ZSWIM5: variants seen among roughly 807,000 people sequenced by gnomAD.
ZSWIM5 encodes the protein zinc finger SWIM domain-containing protein 5.
In ZSWIM5, 55 loss-of-function variants were observed where a neutral mutation model predicts 119.6. The observed-to-expected ratio is 0.46, with a 90% CI of 0.37 to 0.58. The LOEUF is 0.58. Ranked by LOEUF, ZSWIM5 falls within the 20% of genes least tolerant of loss-of-function variation. The pLI, the probability that ZSWIM5 is intolerant of heterozygous loss-of-function variation, is 0.00. For synonymous variants in ZSWIM5, 537 were observed against 606.9 expected (o/e 0.88, Z 1.69); for missense variants, 1,193 against 1,512.8 (o/e 0.79, Z 3.51).
chr1:45,133,407 G>A (rs1157453359), intron 1 of ZSWIM5, among the ~76,000 whole-genome samples: 1 of 152,158 alleles, frequency 6.6e-6, no homozygotes, highest in African/African-American at 2.4e-5. Context: ...CTGCATAAAT[G>A]TCTTCTTTTG....
chr1:45,146,464 CAG>C (rs1257975580), intron 1 of ZSWIM5, among the ~76,000 whole-genome samples: 8 of 89,198 alleles, frequency 9.0e-5, no homozygotes, highest in Non-Finnish European at 1.2e-4. Context: ...TTTTTTGAGA[CAG>C]AGTCTTGCTC....
intron 1 of ZSWIM5, among the ~76,000 whole-genome samples, chr1:45,104,065 G>T (rs1191851729): frequency 6.6e-6 from 1 of 152,188 alleles, no homozygotes; most frequent in Non-Finnish European, 1.5e-5. Flanking sequence ...GACTGAGAAA[G>T]CTTCCTCTTG....
chr1:45,073,904 T>C (rs529762145), intron 2 of ZSWIM5, among the ~76,000 whole-genome samples: 21 of 152,106 alleles, frequency 1.4e-4, no homozygotes, highest in African/African-American at 4.8e-4. Flanking sequence ...TGAGGTATGT[T>C]CCTTCTGTAC....
intron 2 of ZSWIM5, among the ~76,000 whole-genome samples, chr1:45,066,083 A>G: frequency 7.4e-6 from 1 of 135,660 alleles, no homozygotes; most frequent in Non-Finnish European, 1.5e-5. Flanking sequence ...TCATTGTTCA[A>G]TACCCACCTA....
chr1:45,028,308 T>G (rs1218729260), intron 11 of ZSWIM5, among the ~76,000 whole-genome samples: 27 of 152,242 alleles, frequency 1.8e-4, no homozygotes, highest in Admixed American at 1.8e-3. Context: ...CTTATTCCTA[T>G]GTTTTCATGT....
chr1:45,077,897 G>A (rs1241298926), intron 2 of ZSWIM5, among the ~76,000 whole-genome samples: 4 of 152,198 alleles, frequency 2.6e-5, no homozygotes, highest in Non-Finnish European at 5.9e-5. Context: ...CTCACTGGCG[G>A]TCAGAGTTTA....
chr1:45,020,835 A>C, intron 11 of ZSWIM5, 47 bp from the exon 12 acceptor site: 1 of 1,590,366 alleles, frequency 6.3e-7, no homozygotes, highest in Non-Finnish European at 8.6e-7. Flanking sequence ...AAGTTTTACT[A>C]AACAGTCAGC....
At chr1:45,134,406 A>G (rs1386918467) in intron 1 of ZSWIM5, among the ~76,000 whole-genome samples, 1 of 152,248 alleles carries the variant, frequency 6.6e-6, no homozygotes, top group Non-Finnish European at 1.5e-5. Context: ...TGTTTGCTAA[A>G]GAGAAAGGAA....
At chr1:45,161,874 A>G (rs924630237) in intron 1 of ZSWIM5, among the ~76,000 whole-genome samples, 21 of 152,206 alleles carry the variant, frequency 1.4e-4, no homozygotes, top group African/African-American at 5.1e-4. Flanking sequence ...ATATTTCCAA[A>G]CAGTAAATCC....
intron 11 of ZSWIM5, among the ~76,000 whole-genome samples, chr1:45,032,458 T>C (rs993703323): frequency 6.7e-6 from 1 of 149,444 alleles, no homozygotes; most frequent in Non-Finnish European, 1.5e-5. Context: ...TATATTTTCA[T>C]TGGTATAAAA....
chr1:45,112,907 A>G (rs2149024126), intron 1 of ZSWIM5, among the ~76,000 whole-genome samples: 2 of 152,332 alleles, frequency 1.3e-5, no homozygotes, highest in East Asian at 3.9e-4. Context: ...CTGAAAATGA[A>G]TGTCTTGCTA....
Position 45,018,095 on chromosome 1 carries a change from G to A in ZSWIM5, c.*359C>T. The A allele has an allele frequency of 3.5e-6, 1 of 283,360 alleles. No individual in the cohort carries two copies. The allele number at this position is 283,360 out of a possible 1,614,324, so 17.6% of individuals were successfully genotyped here. A position where few individuals can be genotyped will look rare whatever the true frequency, so the allele number is the denominator to read the frequency against. Reference sequence around the variant, plus strand: ...ATATAGTATTTACAGTCCCACAAATGTGTCTGTTTCTCTGGTTAAGCAATC... The same window carrying A: ...ATATAGTATTTACAGTCCCACAAATATGTCTGTTTCTCTGGTTAAGCAATC... On this transcript the variant is annotated 3_prime_UTR_variant, in exon 14 of 14. Transcript: ENST00000359600. The surrounding 1 kb of genome is among the most constrained non-coding windows in gnomAD (Gnocchi z 6.7).
chr1:45,101,728 A>C (rs552790208), intron 1 of ZSWIM5, among the ~76,000 whole-genome samples: 1 of 152,344 alleles, frequency 6.6e-6, no homozygotes, highest in African/African-American at 2.4e-5. Flanking sequence ...GGACGAGTTC[A>C]TGTCCTTTGC....
chr1:45,115,187 G>GC (rs1428804427), intron 1 of ZSWIM5, among the ~76,000 whole-genome samples: 1 of 152,236 alleles, frequency 6.6e-6, no homozygotes, highest in African/African-American at 2.4e-5. Flanking sequence ...TGGCCGCCGG[G>GC]CAGAGGGGCT....
At chr1:45,169,941 T>A (rs1229975716) in intron 1 of ZSWIM5, among the ~76,000 whole-genome samples, 2 of 152,108 alleles carry the variant, frequency 1.3e-5, no homozygotes, top group African/African-American at 4.8e-5. Flanking sequence ...TCCACACGGT[T>A]AACATTTTAC....
At chr1:45,178,030 C>T (rs956231373) in intron 1 of ZSWIM5, among the ~76,000 whole-genome samples, 2 of 151,820 alleles carry the variant, frequency 1.3e-5, no homozygotes, top group Admixed American at 6.6e-5. Context: ...CCACTACACC[C>T]GGCCTTATGT....
At chr1:45,027,591 T>C (rs1007152504) in intron 11 of ZSWIM5, among the ~76,000 whole-genome samples, 1 of 152,072 alleles carries the variant, frequency 6.6e-6, no homozygotes, top group African/African-American at 2.4e-5. Flanking sequence ...AGACAGGGTT[T>C]CTCCATGTTG....
At chr1:45,020,207 C>T (rs1222132206) in intron 12 of ZSWIM5, 60 bp from the exon 13 acceptor site, 57 of 1,374,812 alleles carry the variant, frequency 4.1e-5, no homozygotes, top group Non-Finnish European at 5.2e-5. Context: ...CTCTCCCTCC[C>T]CTTGCATTCA....
At chr1:45,196,615 C>T (rs1203195096) in intron 1 of ZSWIM5, among the ~76,000 whole-genome samples, 1 of 151,514 alleles carries the variant, frequency 6.6e-6, no homozygotes, top group Admixed American at 6.6e-5. Flanking sequence ...TGGTCTCGAG[C>T]TCCTGACCTC....
Sources: gnomAD v4.1 joint callset for allele counts (sites outside exome capture counted in the v4.1 genomes callset) on GRCh38, gnomAD v4.1.1 for gene constraint, Gnocchi (gnomAD v3.1) non-coding constraint, MANE v1.5 for transcripts, NCBI Gene and HGNC (gene_info 2026-07-23, HGNC 2026-07-21) for gene names.